DLC1: variants seen among roughly 807,000 people sequenced by gnomAD.
DLC1 encodes DLC1 Rho GTPase activating protein.
Under a neutral mutation model 140.3 loss-of-function variants are expected in DLC1, and 54 were observed. The observed-to-expected ratio is 0.38, with a 90% CI of 0.31 to 0.48. DLC1 has a LOEUF of 0.48. Among genes scored for constraint, DLC1 ranks in the 20% least tolerant of loss-of-function variants. The pLI, the probability that DLC1 is intolerant of heterozygous loss-of-function variation, is 0.96. For synonymous variants in DLC1, 986 were observed against 728.1 expected, an observed-to-expected ratio of 1.35 and a Z score of -5.70; for missense variants, 2,536 against 1,907.0, an observed-to-expected ratio of 1.33 and a Z score of -6.14.
At chr8:13,553,911 G>A (rs1388824225) in intron 1 of DLC1, among the ~76,000 whole-genome samples, 3 of 152,026 alleles carry the variant, frequency 2.0e-5, no homozygotes, top group Non-Finnish European at 2.9e-5. Flanking sequence ...TTTTTCTTAT[G>A]TCTCCCTTGC....
At chr8:13,575,660 C>T (rs189000775) in intron 1 of DLC1, among the ~76,000 whole-genome samples, 126 of 152,244 alleles carry the variant, frequency 8.3e-4, no homozygotes, top group African/African-American at 2.4e-3. Context: ...TGAAATACAT[C>T]ATGTTTCATT....
intron 1 of DLC1, among the ~76,000 whole-genome samples, chr8:13,577,589 T>G (rs987042529): frequency 2.0e-5 from 3 of 152,238 alleles, no homozygotes; most frequent in African/African-American, 7.2e-5. Context: ...CAGTACATGC[T>G]AAATTAATTT....
At chr8:13,091,688 C>T (rs1319256895) in intron 13 of DLC1, among the ~76,000 whole-genome samples, 1 of 152,074 alleles carries the variant, frequency 6.6e-6, no homozygotes, top group African/African-American at 2.4e-5. Flanking sequence ...AAATAGGTTC[C>T]TACTGGGAAC....
At chr8:13,364,699 A>G (rs1159234984) in intron 4 of DLC1, among the ~76,000 whole-genome samples, 1 of 152,158 alleles carries the variant, frequency 6.6e-6, no homozygotes, top group Non-Finnish European at 1.5e-5. Context: ...TTTTTGGACT[A>G]GGAATAGGTG....
At chr8:13,413,170 T>C (rs1265216500) in intron 2 of DLC1, among the ~76,000 whole-genome samples, 1 of 151,406 alleles carries the variant, frequency 6.6e-6, no homozygotes, top group Non-Finnish European at 1.5e-5. Flanking sequence ...ACACGAAGCT[T>C]TTCCAACCCG....
At chr8:13,202,655 C>A (rs1352963725) in intron 5 of DLC1, among the ~76,000 whole-genome samples, 2 of 151,974 alleles carry the variant, frequency 1.3e-5, no homozygotes, top group African/African-American at 2.4e-5. Context: ...AAGTTCCCCC[C>A]ACCTTTAATT....
intron 5 of DLC1, among the ~76,000 whole-genome samples, chr8:13,128,559 G>T (rs1821784461): frequency 6.6e-6 from 1 of 152,244 alleles, no homozygotes. Context: ...CTTGCTGGAC[G>T]CGGTGGCTCA....
At chr8:13,086,922 G>A (rs1817612857) in intron 16 of DLC1, among the ~76,000 whole-genome samples, 1 of 152,112 alleles carries the variant, frequency 6.6e-6, no homozygotes, top group Admixed American at 6.5e-5. Context: ...CTACTCCGGG[G>A]GCTGAGATGG....
At chr8:13,367,063 A>G (rs1436588862) in intron 4 of DLC1, among the ~76,000 whole-genome samples, 1 of 151,886 alleles carries the variant, frequency 6.6e-6, no homozygotes, top group Non-Finnish European at 1.5e-5. Context: ...TGTATTCTGT[A>G]TTTTATAATG....
intron 4 of DLC1, chr8:13,341,184 A>T (rs1037286104): frequency 6.6e-6 from 1 of 152,256 alleles, no homozygotes. Context: ...CACCAATAAC[A>T]AATGCATAAC....
chr8:13,542,597 C>A (rs1469854629), intron 1 of DLC1, among the ~76,000 whole-genome samples: 2 of 152,104 alleles, frequency 1.3e-5, no homozygotes, highest in African/African-American at 4.8e-5. Flanking sequence ...AATGTCACCT[C>A]AACACTATTG....
At chr8:13,236,952 G>T (rs1829308155) in intron 5 of DLC1, among the ~76,000 whole-genome samples, 3 of 151,944 alleles carry the variant, frequency 2.0e-5, no homozygotes, top group South Asian at 4.1e-4. Flanking sequence ...AATAAGAAAT[G>T]AAAAATAAAT....
chr8:13,201,006 G>A (rs558771640), intron 5 of DLC1, among the ~76,000 whole-genome samples: 2 of 152,266 alleles, frequency 1.3e-5, no homozygotes, highest in Non-Finnish European at 2.9e-5. Context: ...AGTTGATTCA[G>A]ATTACTGAGT....
intron 4 of DLC1, among the ~76,000 whole-genome samples, chr8:13,354,950 C>G (rs1023651143): frequency 2.0e-5 from 1 of 50,992 alleles, no homozygotes. Flanking sequence ...GAGACACTGG[C>G]TCAAAAAAAA....
chr8:13,154,065 A>C (rs577827738), intron 5 of DLC1, among the ~76,000 whole-genome samples: 2 of 151,428 alleles, frequency 1.3e-5, no homozygotes, highest in South Asian at 4.2e-4. Flanking sequence ...TGATTGGTGC[A>C]TTTACAAACC....
intron 4 of DLC1, among the ~76,000 whole-genome samples, chr8:13,370,890 C>A (rs1033857897): frequency 6.6e-6 from 1 of 152,146 alleles, no homozygotes; most frequent in African/African-American, 2.4e-5. Context: ...TCCCTACTCC[C>A]CACCACAACA....
intron 4 of DLC1, among the ~76,000 whole-genome samples, chr8:13,357,767 A>G (rs1835018230): frequency 6.6e-6 from 1 of 152,228 alleles, no homozygotes; most frequent in South Asian, 2.1e-4. Flanking sequence ...TTGAACTCTT[A>G]TGAAAATCCA....
At chr8:13,135,403 G>C (rs932679114) in intron 5 of DLC1, among the ~76,000 whole-genome samples, 2 of 151,866 alleles carry the variant, frequency 1.3e-5, no homozygotes, top group African/African-American at 4.8e-5. Flanking sequence ...AGATGGTCTC[G>C]ATCTCCTGAC....
chr8:13,473,215 T>C (rs1800290336), intron 2 of DLC1, among the ~76,000 whole-genome samples: 2 of 152,252 alleles, frequency 1.3e-5, no homozygotes, highest in South Asian at 2.1e-4. Context: ...AGTCCTTCTT[T>C]AGTGGCTGAT....
Sources: gnomAD v4.1 joint callset for allele counts (sites outside exome capture counted in the v4.1 genomes callset) on GRCh38, gnomAD v4.1.1 for gene constraint, MANE v1.5 for transcripts, NCBI Gene and HGNC (gene_info 2026-07-23, HGNC 2026-07-21) for gene names.